METAP1: variants seen among roughly 807,000 people sequenced by gnomAD.
The protein encoded by METAP1 is methionyl aminopeptidase 1, also known as methionine aminopeptidase 1.
A neutral mutation model predicts 53.8 loss-of-function variants in METAP1; 28 were observed. The observed-to-expected ratio is 0.52, with a 90% confidence interval of 0.39 to 0.71. The LOEUF is 0.71. Among genes scored for constraint, METAP1 ranks in the 30% least tolerant of loss-of-function variants. The pLI is 0.00. For missense variants in METAP1, 389 were observed against 479.8 expected, an observed-to-expected ratio of 0.81 and a Z score of 1.77; for synonymous variants, 181 against 165.7, an observed-to-expected ratio of 1.09 and a Z score of -0.71.
In METAP1 at chr4:99,062,701, T is replaced by G. The variant is rs1727624519; in HGVS notation, c.*1384T>G. On this transcript the variant is annotated 3_prime_UTR_variant, in exon 11 of 11. Coordinates refer to ENST00000296411, the MANE Select transcript of METAP1 (RefSeq NM_015143.3). The stretch of plus-strand genomic sequence containing the variant: ...GAATCTGGTATAGACTTTGGGAGTA[T>G]GTGTGTGAAGTTTTTATCAAACTGT... The G allele has an allele frequency of 6.6e-6, 1 of 152,634 alleles. No homozygotes were observed. The highest frequency in any genetic ancestry group is 2.1e-4 in the South Asian group (1 of 4,838). The allele number at this position is 152,634 out of a possible 1,614,324, so 9.5% of individuals were successfully genotyped here. A position where few individuals can be genotyped will look rare whatever the true frequency, so the allele number is the denominator to read the frequency against.
intron 1 of METAP1, chr4:99,023,292 T>C (rs1321317971): frequency 3.9e-6 from 2 of 517,488 alleles, no homozygotes; most frequent in Non-Finnish European, 5.3e-6. Context: ...TTAAGTTGCA[T>C]ATGTTTTGCT....
At position 99,061,836 on chromosome 4, in the gene METAP1, GT is replaced by G. The variant is rs1727564999; in HGVS notation, c.*522del. 6.6e-6 allele frequency: 1 copy of G among 152,202 alleles called. No homozygotes were observed. Among genetic ancestry groups the G allele is most frequent in the African/African-American group, 2.4e-5 (1 of 41,418 alleles). The allele number at this position is 152,202 out of a possible 1,614,324, so 9.4% of individuals were successfully genotyped here. On this transcript the variant is annotated 3_prime_UTR_variant, in exon 11 of 11. Coordinates refer to ENST00000296411, the MANE Select transcript of METAP1 (RefSeq NM_015143.3). ...ATATGTTCTTACAAATGGATCCATA[GT>G]TTGCAGTGATTTAATTCCTGGTTGG...
intron 9 of METAP1, among the ~76,000 whole-genome samples, chr4:99,056,628 T>C (rs1727142332): frequency 6.8e-6 from 1 of 146,682 alleles, no homozygotes; most frequent in Admixed American, 6.8e-5. Flanking sequence ...CTGGAGTGCA[T>C]GGCACAATCT....
intron 9 of METAP1, among the ~76,000 whole-genome samples, chr4:99,050,377 T>G (rs1241955013): frequency 6.6e-6 from 1 of 152,176 alleles, no homozygotes; most frequent in Non-Finnish European, 1.5e-5. Context: ...CAGTGGTGAC[T>G]AAGATGGATT....
At chr4:99,031,660 A>G (rs1049592327) in intron 2 of METAP1, 5 of 1,076,534 alleles carry the variant, frequency 4.6e-6, no homozygotes, top group Non-Finnish European at 6.3e-6. Flanking sequence ...TGTACCATGC[A>G]TAGTAAGTAC....
At chr4:99,010,463 CA>C (rs777899769) in intron 1 of METAP1, among the ~76,000 whole-genome samples, 4 of 152,102 alleles carry the variant, frequency 2.6e-5, no homozygotes, top group Non-Finnish European at 4.4e-5. Context: ...CTTTAAAAAA[CA>C]AAAACCTCCC....
chr4:99,006,204 AG>A (rs1403169674), intron 1 of METAP1, among the ~76,000 whole-genome samples: 1 of 152,194 alleles, frequency 6.6e-6, no homozygotes, highest in African/African-American at 2.4e-5. Flanking sequence ...ACTGTCTTCA[AG>A]GGGCTTATGC....
At chr4:99,001,945 A>C (rs1346846908) in intron 1 of METAP1, among the ~76,000 whole-genome samples, 1 of 152,102 alleles carries the variant, frequency 6.6e-6, no homozygotes, top group African/African-American at 2.4e-5. Flanking sequence ...AACAACAACA[A>C]CAAAAAAACG....
At chr4:99,005,389 G>A (rs1166370659) in intron 1 of METAP1, among the ~76,000 whole-genome samples, 3 of 152,108 alleles carry the variant, frequency 2.0e-5, no homozygotes, top group South Asian at 2.1e-4. Context: ...AATGCTCAAT[G>A]TCACTAATCA....
chr4:99,035,349 G>A (rs1453114307), intron 3 of METAP1, 51 bp from the exon 4 acceptor site: 10 of 1,344,634 alleles, frequency 7.4e-6, no homozygotes, highest in Admixed American at 4.0e-5. Context: ...TTCTCCCCTC[G>A]TTTTATTTAT....
chr4:99,000,838 G>A (rs1722887682), intron 1 of METAP1, among the ~76,000 whole-genome samples: 1 of 151,780 alleles, frequency 6.6e-6, no homozygotes, highest in Non-Finnish European at 1.5e-5. Flanking sequence ...CAGGTAGCTG[G>A]GAACACCAGT....
chr4:99,028,775 G>T, intron 1 of METAP1, 92 bp from the exon 2 acceptor site: 1 of 935,576 alleles, frequency 1.1e-6, no homozygotes, highest in South Asian at 2.1e-5. Context: ...TTTGCAAATA[G>T]TTTACAATAA....
In METAP1 at chr4:99,022,489, C is replaced by T. The variant is rs73832527; in HGVS notation, c.115-6378C>T. ...GGCCCTCAGTTCCTGCTCAGTAGGA[C>T]GTTGGGCAAATGTCCAGGAGCCATC... On this transcript the variant is annotated intron_variant, in intron 1 of 10. Coordinates refer to ENST00000296411, the MANE Select transcript of METAP1 (RefSeq NM_015143.3). The T allele has an allele frequency of 4.1e-3, 2,532 of 622,022 alleles. 43 individuals carry two copies. The African/African-American group carries it at 0.042, about 10-fold the overall frequency. 38.5% of individuals were successfully genotyped at this position (622,022 alleles called of 1,614,324 possible).
chr4:99,028,743 C>T (rs755998792), intron 1 of METAP1, 124 bp from the exon 2 acceptor site: 100 of 559,784 alleles, frequency 1.8e-4, no homozygotes, highest in Non-Finnish European at 2.7e-4. Flanking sequence ...ATATTTAATT[C>T]GCAAAGTTAC....
intron 1 of METAP1, among the ~76,000 whole-genome samples, chr4:99,009,557 G>C (rs945975780): frequency 6.6e-6 from 1 of 151,920 alleles, no homozygotes; most frequent in Non-Finnish European, 1.5e-5. Flanking sequence ...TTTCATAGTA[G>C]TCATCCTAAT....
rs1579284304 is a variant in METAP1 at position 99,028,935 on chromosome 4, A to C, written c.166+17A>C. The C allele has an allele frequency of 1.3e-6, 2 of 1,510,304 alleles. No homozygotes were observed. Among genetic ancestry groups the C allele is most frequent in the Non-Finnish European group, 1.8e-6 (2 of 1,114,936 alleles). 93.6% of individuals were successfully genotyped at this position (1,510,304 alleles called of 1,614,324 possible). ...AGAAAGCAAGTAAGTACAATCACAA[A>C]TTTTTACACCATTTGTCTTAGAAGT... is the stretch of plus-strand genomic sequence containing the variant. On this transcript the variant is annotated intron_variant, in intron 2 of 10. Transcript: ENST00000296411.
chr4:99,026,126 A>G (rs560543928), intron 1 of METAP1: 38 of 595,966 alleles, frequency 6.4e-5, no homozygotes, highest in Non-Finnish European at 7.8e-5. Context: ...TGAGGCTGTC[A>G]CTGGTGCATC....
chr4:99,054,053 C>T (rs1726919902), intron 9 of METAP1, among the ~76,000 whole-genome samples: 1 of 149,510 alleles, frequency 6.7e-6, no homozygotes, highest in Admixed American at 6.6e-5. Context: ...TGAGCATTGG[C>T]TTCAACTTAA....
chr4:99,019,431 C>T (rs115751574), intron 1 of METAP1, among the ~76,000 whole-genome samples: 5 of 152,260 alleles, frequency 3.3e-5, no homozygotes, highest in African/African-American at 1.2e-4. Context: ...TTAAAATGGC[C>T]TGTTTTTCCA....
Sources: gnomAD v4.1 joint callset for allele counts (sites outside exome capture counted in the v4.1 genomes callset) on GRCh38, gnomAD v4.1.1 for gene constraint, MANE v1.5 for transcripts, NCBI Gene and HGNC (gene_info 2026-07-23, HGNC 2026-07-21) for gene names.